Variants in MAP3K13 observed in about 807,000 individuals in gnomAD.
MAP3K13 encodes mitogen-activated protein kinase kinase kinase 13.
In MAP3K13, 52 loss-of-function variants were observed where a neutral mutation model predicts 104.0. The ratio of observed to expected loss-of-function variants is 0.50; its 90% confidence interval spans 0.40 to 0.63. The LOEUF is 0.63. Among genes scored for constraint, MAP3K13 ranks in the 20% least tolerant of loss-of-function variants. The pLI, the probability that MAP3K13 is intolerant of heterozygous loss-of-function variation, is 0.00. For synonymous variants in MAP3K13, 394 were observed against 442.2 expected (o/e 0.89, Z 1.37); for missense variants, 914 against 1,218.5 (o/e 0.75, Z 3.72).
At chr3:185,308,009 C>CT (rs33949195) in intron 2 of MAP3K13, among the ~76,000 whole-genome samples, 9,219 of 31,646 alleles carry the variant, frequency 0.29, 1,714 homozygotes, top group Non-Finnish European at 0.4. Context: ...TCTTTGGGGT[C>CT]TTTTTTTTTT....
intron 2 of MAP3K13, among the ~76,000 whole-genome samples, chr3:185,349,860 C>G (rs540585672): frequency 2.8e-4 from 42 of 152,264 alleles, no homozygotes; most frequent in African/African-American, 9.6e-4. Flanking sequence ...ATGCTGTGTG[C>G]GTACACTGCA....
intron 11 of MAP3K13, among the ~76,000 whole-genome samples, chr3:185,474,696 G>A (rs1718010064): frequency 6.6e-6 from 1 of 152,152 alleles, no homozygotes; most frequent in Non-Finnish European, 1.5e-5. Context: ...ATTGAAACCT[G>A]TTTCTCTCCT....
chr3:185,456,689 C>G (rs1232075673), intron 7 of MAP3K13, among the ~76,000 whole-genome samples: 1 of 149,892 alleles, frequency 6.7e-6, no homozygotes, highest in Non-Finnish European at 1.5e-5. Context: ...GCAGCCTCCA[C>G]CTCCCGAGTT....
intron 10 of MAP3K13, among the ~76,000 whole-genome samples, chr3:185,470,372 TG>T (rs1717705356): frequency 6.6e-6 from 1 of 152,196 alleles, no homozygotes; most frequent in Admixed American, 6.5e-5. Context: ...GTGGGCAAGG[TG>T]TAACTTCAGG....
chr3:185,324,543 T>C (rs1721981118), intron 2 of MAP3K13, among the ~76,000 whole-genome samples: 1 of 152,170 alleles, frequency 6.6e-6, no homozygotes, highest in South Asian at 2.1e-4. Flanking sequence ...CCAGTACTTT[T>C]CAACAACCAC....
chr3:185,455,946 T>TG (rs1473856014), intron 7 of MAP3K13, among the ~76,000 whole-genome samples: 22 of 145,208 alleles, frequency 1.5e-4, no homozygotes, highest in African/African-American at 5.3e-4. Context: ...GAGATATATA[T>TG]ATGATGTATA....
intron 1 of MAP3K13, among the ~76,000 whole-genome samples, chr3:185,427,382 C>T (rs930258786): frequency 5.3e-5 from 8 of 151,372 alleles, no homozygotes; most frequent in Admixed American, 1.3e-4. Context: ...GAAAAAAAAA[C>T]ATACTTTGAA....
intron 1 of MAP3K13, among the ~76,000 whole-genome samples, chr3:185,390,510 C>A (rs1711977483): frequency 6.6e-6 from 1 of 152,022 alleles, no homozygotes; most frequent in African/African-American, 2.4e-5. Flanking sequence ...ATAGACAACC[C>A]TTAGAGAATA....
chr3:185,465,336 CACAA>C (rs1717350360), intron 8 of MAP3K13, among the ~76,000 whole-genome samples: 1 of 152,162 alleles, frequency 6.6e-6, no homozygotes. Context: ...ATCTGGGGGG[CACAA>C]ACATTCAGAC....
In MAP3K13 at chr3:185,454,592, A is replaced by ACACATATATAT. The variant is rs1269695988; in HGVS notation, c.1278+3197_1278+3198insCACATATATAT. On this transcript the variant is annotated intron_variant, in intron 7 of 13. Coordinates refer to ENST00000265026, the MANE Select transcript of MAP3K13 (RefSeq NM_004721.5). ...TATATATGATATATATATGATATAT[A>ACACATATATAT]GATATATATGAGATATATATGATAT... Among the ~76,000 whole-genome samples, 2 of 67,742 alleles carry ACACATATATAT rather than the reference A, an allele frequency of 3.0e-5. 1 individual carries two copies. Among genetic ancestry groups the ACACATATATAT allele is most frequent in the Non-Finnish European group, 6.0e-5 (2 of 33,082 alleles). The allele number at this position is 67,742 out of a possible 152,430, so 44.4% of individuals were successfully genotyped here.
At chr3:185,385,155 A>C (rs1414663949) in intron 1 of MAP3K13, among the ~76,000 whole-genome samples, 1 of 152,042 alleles carries the variant, frequency 6.6e-6, no homozygotes, top group African/African-American at 2.4e-5. Flanking sequence ...GAATTCTAGC[A>C]ATCTTTTTTT....
At chr3:185,311,231 T>C (rs1721484721) in intron 2 of MAP3K13, among the ~76,000 whole-genome samples, 1 of 152,168 alleles carries the variant, frequency 6.6e-6, no homozygotes, top group Non-Finnish European at 1.5e-5. Flanking sequence ...AAAAGAGGTT[T>C]AATTGGACTT....
At chr3:185,465,632 A>AAGAG in intron 8 of MAP3K13, 115 bp from the exon 9 acceptor site, 1 of 727,876 alleles carries the variant, frequency 1.4e-6, no homozygotes, top group South Asian at 1.6e-5. Context: ...GGCTTAAAGT[A>AAGAG]AGAGGGCCTT....
intron 2 of MAP3K13, among the ~76,000 whole-genome samples, chr3:185,354,320 C>A (rs557021037): frequency 1.0e-3 from 152 of 150,568 alleles, no homozygotes; most frequent in Non-Finnish European, 2.0e-3. Flanking sequence ...GGTAGCCTAA[C>A]CTGTAGGCTT....
chr3:185,480,788 G>A (rs1718402481), intron 13 of MAP3K13, among the ~76,000 whole-genome samples: 1 of 152,196 alleles, frequency 6.6e-6, no homozygotes, highest in South Asian at 2.1e-4. Context: ...GGCAGAAGGT[G>A]ATGAGGAAGC....
intron 7 of MAP3K13, among the ~76,000 whole-genome samples, chr3:185,462,775 AAAT>A (rs1257272314): frequency 1.3e-5 from 2 of 152,222 alleles, no homozygotes; most frequent in Non-Finnish European, 2.9e-5. Context: ...TCCGTCTCAA[AAAT>A]AATAATAAAT....
intron 2 of MAP3K13, among the ~76,000 whole-genome samples, chr3:185,304,595 TAATTTC>T (rs1721214568): frequency 6.6e-6 from 1 of 152,210 alleles, no homozygotes; most frequent in African/African-American, 2.4e-5. Context: ...CAATTTTTTT[TAATTTC>T]AAGTCTCTTT....
intron 1 of MAP3K13, among the ~76,000 whole-genome samples, chr3:185,380,944 TTTTGTTTTTTTTTTG>T (rs1208942927): frequency 9.6e-5 from 14 of 145,622 alleles, no homozygotes; most frequent in Non-Finnish European, 1.7e-4. Flanking sequence ...AAGAAGGTTT[TTTTGTTTTTTTTTTG>T]TTTTTTTTTG....
In MAP3K13 at chr3:185,337,500, G is replaced by A. The variant is rs918712286; in HGVS notation, c.-86+51857G>A. Among the ~76,000 whole-genome samples the A allele has an allele frequency of 4.6e-5, 7 of 152,324 alleles. 1 individual carries two copies. The Middle Eastern group carries it at 0.014, about 296-fold the overall frequency. ...GAAACACTTAGGCAAATAAGTGGAG[G>A]CAGAATGCCAACGCAGATGATAATG... On this transcript the variant is annotated intron_variant, in intron 2 of 14. Transcript: ENST00000424227.
Sources: allele counts gnomAD v4.1 joint callset (sites outside exome capture counted in the v4.1 genomes callset), GRCh38; gene constraint gnomAD v4.1.1; transcripts MANE v1.5; gene names NCBI Gene and HGNC (gene_info 2026-07-23, HGNC 2026-07-21).